TENT2: variants seen among roughly 807,000 people sequenced by gnomAD.
TENT2 encodes poly(A) RNA polymerase GLD2.
A neutral mutation model predicts 72.2 loss-of-function variants in TENT2; 44 were observed. The observed-to-expected ratio is 0.61, with a 90% CI of 0.48 to 0.78. TENT2 has a LOEUF of 0.78. Among genes scored for constraint, TENT2 ranks in the 30% least tolerant of loss-of-function variants. TENT2 has a pLI of 0.00. For synonymous variants in TENT2, 212 were observed against 192.5 expected (o/e 1.10, Z -0.84); for missense variants, 541 against 569.6 (o/e 0.95, Z 0.51).
intron 10 of TENT2, among the ~76,000 whole-genome samples, chr5:79,649,889 C>T (rs183152764): frequency 1.6e-4 from 25 of 152,152 alleles, no homozygotes; most frequent in African/African-American, 6.0e-4. Context: ...ACATATGTAG[C>T]AATCCAAGAA....
At chr5:79,663,457 T>A (rs2150477902) in intron 11 of TENT2, among the ~76,000 whole-genome samples, 1 of 152,340 alleles carries the variant, frequency 6.6e-6, no homozygotes, top group East Asian at 1.9e-4. Flanking sequence ...GTGTGACTTT[T>A]CCTTTCACTT....
chr5:79,685,165 T>C, intron 14 of TENT2, 34 bp from the exon 15 acceptor site: 1 of 1,471,202 alleles, frequency 6.8e-7, no homozygotes, highest in Non-Finnish European at 9.4e-7. Flanking sequence ...GCATAAATTT[T>C]AGGTTTTAAG....
At position 79,619,659 on chromosome 5, in the gene TENT2, A is replaced by T; in HGVS notation, c.11A>T (p.Asn4Ile). Reference sequence around the variant, plus strand: ...CCAGTGAACAAGAGCATGTTCCCAAACTCAATTTTGGGTCGCCCACCCTTC... The same window carrying T: ...CCAGTGAACAAGAGCATGTTCCCAATCTCAATTTTGGGTCGCCCACCCTTC... MFPNSILGRPPFTP... is the reference protein window; with the variant it reads MFPISILGRPPFTP... The change falls in exon 2 of 15, where the codon AAC (asparagine) becomes ATC (isoleucine). Residue 4 changes from asparagine to isoleucine, a missense_variant. Coordinates refer to ENST00000453514, the MANE Select transcript of TENT2 (RefSeq NM_001114394.3). 1.2e-6 allele frequency: 2 copies of T among 1,613,464 alleles called. No homozygotes were observed. The highest frequency in any genetic ancestry group is 2.2e-5 in the South Asian group (2 of 90,962).
chr5:79,679,844 T>C (rs921528444), intron 13 of TENT2, among the ~76,000 whole-genome samples, 174 bp downstream of exon 13: 2 of 152,150 alleles, frequency 1.3e-5, no homozygotes, highest in African/African-American at 4.8e-5. Context: ...GTATGAGAAA[T>C]AATAAACATA....
At chr5:79,620,499 A>G (rs1463638772) in intron 3 of TENT2, 3 of 153,650 alleles carry the variant, frequency 2.0e-5, no homozygotes, top group Non-Finnish European at 4.3e-5. Flanking sequence ...TTTTCTTACA[A>G]TTCTGGAGGC....
At chr5:79,674,009 A>C (rs1379251616) in intron 12 of TENT2, among the ~76,000 whole-genome samples, 1 of 152,242 alleles carries the variant, frequency 6.6e-6, no homozygotes, top group East Asian at 1.9e-4. Flanking sequence ...AAATGACACA[A>C]TAAACAGAGA....
At chr5:79,669,126 T>C in intron 12 of TENT2, 98 bp downstream of exon 12, 2 of 1,382,268 alleles carry the variant, frequency 1.4e-6, no homozygotes, top group Non-Finnish European at 1.9e-6. Flanking sequence ...ATGCTACAGA[T>C]TTAGTCAGGA....
intron 1 of TENT2, among the ~76,000 whole-genome samples, chr5:79,616,399 TAGTC>T (rs1444289916): frequency 6.6e-6 from 1 of 152,022 alleles, no homozygotes; most frequent in African/African-American, 2.4e-5. Context: ...TTCACCATGT[TAGTC>T]AGGCTGGTCT....
At chr5:79,671,298 A>G (rs1812773480) in intron 12 of TENT2, among the ~76,000 whole-genome samples, 1 of 152,204 alleles carries the variant, frequency 6.6e-6, no homozygotes, top group Non-Finnish European at 1.5e-5. Context: ...GAATGTAGTC[A>G]TGGTAATAAA....
chr5:79,659,655 A>G (rs1265075614), intron 11 of TENT2, among the ~76,000 whole-genome samples: 3 of 142,098 alleles, frequency 2.1e-5, no homozygotes, highest in African/African-American at 7.6e-5. Flanking sequence ...TTTATACACA[A>G]TTTAAAAAAT....
chr5:79,659,241 T>A (rs1352897980), intron 11 of TENT2, among the ~76,000 whole-genome samples: 4 of 151,812 alleles, frequency 2.6e-5, no homozygotes, highest in Non-Finnish European at 4.4e-5. Flanking sequence ...TTTGCTATTA[T>A]TAATAATAAC....
At chr5:79,644,056 A>G (rs568523686) in intron 7 of TENT2, among the ~76,000 whole-genome samples, 54 of 151,176 alleles carry the variant, frequency 3.6e-4, no homozygotes, top group Admixed American at 6.6e-4. Flanking sequence ...ATCACAGGTC[A>G]CTGCAACCTC....
chr5:79,685,110 A>G (rs1329822900), intron 14 of TENT2, 89 bp from the exon 15 acceptor site: 4 of 1,026,098 alleles, frequency 3.9e-6, no homozygotes, highest in Non-Finnish European at 5.9e-6. Context: ...TCACCTAGAG[A>G]GAACCAACTA....
chr5:79,621,369 GAA>G, intron 3 of TENT2, among the ~76,000 whole-genome samples: 1 of 152,274 alleles, frequency 6.6e-6, no homozygotes, highest in Non-Finnish European at 1.5e-5. Context: ...TTGTCATTGA[GAA>G]AAGTTTTATA....
At chr5:79,683,853 G>A (rs544926836) in intron 14 of TENT2, among the ~76,000 whole-genome samples, 60 of 146,068 alleles carry the variant, frequency 4.1e-4, no homozygotes, top group African/African-American at 1.3e-3. Flanking sequence ...GAACCCGGGA[G>A]GCGGAGCTTG....
At chr5:79,641,807 A>G (rs1178151098) in intron 6 of TENT2, among the ~76,000 whole-genome samples, 1 of 151,376 alleles carries the variant, frequency 6.6e-6, no homozygotes, top group African/African-American at 2.4e-5. Flanking sequence ...TTTGGATTGT[A>G]GATTTTTTTT....
chr5:79,640,255 C>CA (rs35865367), intron 4 of TENT2, among the ~76,000 whole-genome samples: 150 of 101,678 alleles, frequency 1.5e-3, no homozygotes, highest in Middle Eastern at 7.1e-3. Flanking sequence ...GACTCCGTCT[C>CA]AAAAAAAAAA....
intron 11 of TENT2, among the ~76,000 whole-genome samples, chr5:79,665,798 G>C (rs1000980575): frequency 6.6e-6 from 1 of 152,180 alleles, no homozygotes; most frequent in Non-Finnish European, 1.5e-5. Context: ...TTGCTATTCT[G>C]TGGACTGACT....
intron 12 of TENT2, among the ~76,000 whole-genome samples, chr5:79,675,297 A>T (rs1371354943): frequency 1.3e-5 from 2 of 152,224 alleles, no homozygotes; most frequent in Admixed American, 6.5e-5. Context: ...AAAGATTAAA[A>T]GTAGAATATA....
Sources: allele counts gnomAD v4.1 joint callset (sites outside exome capture counted in the v4.1 genomes callset), GRCh38; gene constraint gnomAD v4.1.1; transcripts MANE v1.5; gene names NCBI Gene and HGNC (gene_info 2026-07-23, HGNC 2026-07-21).